The following GNAL variants were observed in gnomAD, a reference collection of about 807,000 sequenced individuals.
GNAL encodes guanine nucleotide-binding protein G(olf) subunit alpha.
In GNAL, 18 loss-of-function variants were observed where a neutral mutation model predicts 55.1. The observed-to-expected ratio is 0.33, with a 90% CI of 0.23 to 0.48. GNAL has a LOEUF of 0.48. Ranked by LOEUF, GNAL falls within the 20% of genes least tolerant of loss-of-function variation. GNAL has a pLI of 0.99. For missense variants in GNAL, 412 were observed against 614.1 expected (o/e 0.67, Z 3.48); for synonymous variants, 253 against 237.0 (o/e 1.07, Z -0.62).
At chr18:11,778,241 C>A (rs1360555040) in intron 4 of GNAL, among the ~76,000 whole-genome samples, 1 of 152,186 alleles carries the variant, frequency 6.6e-6, no homozygotes, top group Non-Finnish European at 1.5e-5. Context: ...ACCCTCAGAA[C>A]AGACAACCAT....
At chr18:11,788,923 A>ATATATATG (rs1164513437) in intron 4 of GNAL, among the ~76,000 whole-genome samples, 1 of 128,354 alleles carries the variant, frequency 7.8e-6, no homozygotes, top group Non-Finnish European at 1.6e-5. Context: ...AAATATATAT[A>ATATATATG]TATATATATA....
At chr18:11,781,065 A>G (rs2033914119) in intron 4 of GNAL, among the ~76,000 whole-genome samples, 1 of 152,268 alleles carries the variant, frequency 6.6e-6, no homozygotes. Context: ...TTAAATATCA[A>G]CCAGTGAATG....
At chr18:11,788,914 A>AAATATATATATATATATATATAT (rs60071996) in intron 4 of GNAL, among the ~76,000 whole-genome samples, 1 of 56,304 alleles carries the variant, frequency 1.8e-5, no homozygotes, top group African/African-American at 1.0e-4. Context: ...AAAAAAAAAA[A>AAATATATATATATATATATATAT]ATATATATAT....
intron 1 of GNAL, chr18:11,747,042 A>T (rs929807950): frequency 2.1e-6 from 1 of 468,172 alleles, no homozygotes; most frequent in East Asian, 5.5e-5. Context: ...ATGCAGGGTT[A>T]TGTATATTTT....
intron 4 of GNAL, among the ~76,000 whole-genome samples, chr18:11,823,689 C>G (rs1052330533): frequency 2.6e-5 from 4 of 152,218 alleles, no homozygotes; most frequent in Non-Finnish European, 4.4e-5. Flanking sequence ...TGTGTTGATT[C>G]CTAGAAATGT....
intron 10 of GNAL, among the ~76,000 whole-genome samples, chr18:11,876,009 G>A (rs974587469): frequency 6.6e-6 from 1 of 152,182 alleles, no homozygotes; most frequent in African/African-American, 2.4e-5. Flanking sequence ...TGAAGGCGGA[G>A]CCCTCGTGAC....
At chr18:11,826,884 A>G (rs996865428) in intron 5 of GNAL, among the ~76,000 whole-genome samples, 2 of 152,136 alleles carry the variant, frequency 1.3e-5, no homozygotes, top group African/African-American at 2.4e-5. Context: ...GTCATCAGCT[A>G]CTGATGGTAT....
At position 11,870,105 on chromosome 18, in the gene GNAL, G is replaced by A. The variant is rs560854875; in HGVS notation, c.1031+1442G>A. On this transcript the variant is annotated intron_variant, in intron 9 of 11. Transcript: ENST00000334049. The stretch of plus-strand genomic sequence containing the variant: ...GCAAATACTACACCATTTCATATAA[G>A]GGAGCCTCCTCAAATTTTGGTTTTC... Among the ~76,000 whole-genome samples the A allele has an allele frequency of 2.6e-5, 4 of 152,300 alleles. No individual in the cohort carries two copies. In the East Asian group the frequency reaches 7.7e-4, roughly 29 times the overall value.
intron 4 of GNAL, among the ~76,000 whole-genome samples, chr18:11,817,029 C>T (rs1204934577): frequency 6.6e-6 from 1 of 151,904 alleles, no homozygotes; most frequent in African/African-American, 2.4e-5. Context: ...GGATGAGGCA[C>T]CTTTCGTGTG....
chr18:11,870,179 T>C (rs2036363470), intron 9 of GNAL, among the ~76,000 whole-genome samples: 1 of 152,180 alleles, frequency 6.6e-6, no homozygotes, highest in African/African-American at 2.4e-5. Flanking sequence ...GATGACTCTA[T>C]ATCTAGGGTT....
chr18:11,749,430 T>G (rs1395205759), intron 1 of GNAL, among the ~76,000 whole-genome samples: 1 of 152,258 alleles, frequency 6.6e-6, no homozygotes, highest in Non-Finnish European at 1.5e-5. Context: ...CAAATATTTT[T>G]TACGTGTGGT....
intron 2 of GNAL, 131 bp from the exon 3 acceptor site, chr18:11,753,497 G>C (rs996685084): frequency 8.1e-6 from 5 of 619,340 alleles, no homozygotes; most frequent in Non-Finnish European, 1.4e-5. Context: ...CGGATGTCTT[G>C]GGGGTTGATA....
At chr18:11,727,979 C>T (rs2032250002) in intron 1 of GNAL, among the ~76,000 whole-genome samples, 2 of 152,156 alleles carry the variant, frequency 1.3e-5, no homozygotes, top group South Asian at 4.1e-4. Context: ...ATAACCCCAA[C>T]AATCTGGGAT....
rs1393280931 is a variant in GNAL, at chr18:11,751,655, G to A, written c.377-1198G>A. On this transcript the variant is annotated intron_variant, in intron 1 of 11. Transcript: ENST00000334049. The surrounding 1 kb of genome is among the most constrained non-coding windows in gnomAD (Gnocchi z 4.5). ...GGCTCGGGGTGCAAGAGAGCCAGGCGGCCGCGGCGCAGCGGAGGGGCTGCG... is the reference window on the plus strand; with the variant it reads ...GGCTCGGGGTGCAAGAGAGCCAGGCAGCCGCGGCGCAGCGGAGGGGCTGCG... The A allele has an allele frequency of 1.0e-6, 1 of 985,306 alleles. No individual in the cohort carries two copies. Among genetic ancestry groups the A allele is most frequent in the Non-Finnish European group, 1.2e-6 (1 of 829,960 alleles). 61.0% of individuals were successfully genotyped at this position (985,306 alleles called of 1,614,324 possible).
chr18:11,697,627 G>A (rs1306513646), intron 1 of GNAL, among the ~76,000 whole-genome samples: 1 of 152,100 alleles, frequency 6.6e-6, no homozygotes, highest in African/African-American at 2.4e-5. Context: ...TGACAGGAAG[G>A]GGCAGACGTG....
chr18:11,874,398 A>C (rs2036474974), intron 10 of GNAL: 1 of 151,214 alleles, frequency 6.6e-6, no homozygotes, highest in Non-Finnish European at 1.5e-5. Flanking sequence ...ATCAAAGCAA[A>C]AACTACACAC....
rs2036941188 is a variant in GNAL at position 11,884,804 on chromosome 18, G to A, written c.*3669G>A. 8 of 1,388,302 alleles carry A rather than the reference G, an allele frequency of 5.8e-6. No homozygotes were observed. Among genetic ancestry groups the A allele is most frequent in the Admixed American group, 2.9e-5 (1 of 34,516 alleles). 86.0% of individuals were successfully genotyped at this position (1,388,302 alleles called of 1,614,324 possible). A position where few individuals can be genotyped will look rare whatever the true frequency, so the allele number is the denominator to read the frequency against. ...CCTTCTCCCTGCACAGCTCACCCCC[G>A]ACCAGCCCAGGCTCCAGCAGGAGAG... On this transcript the variant is annotated 3_prime_UTR_variant, in exon 12 of 12. Coordinates refer to ENST00000334049, the MANE Select transcript of GNAL (RefSeq NM_182978.4).
At position 11,858,791 on chromosome 18, in the gene GNAL, A is replaced by G. The variant is rs945461381; in HGVS notation, c.723-3604A>G. Among the ~76,000 whole-genome samples, 9 of 152,192 alleles carry G rather than the reference A, an allele frequency of 5.9e-5. No individual in the cohort carries two copies. The South Asian group carries it at 6.2e-4, about 11-fold the overall frequency. On this transcript the variant is annotated intron_variant, in intron 5 of 11. Transcript: ENST00000334049. Reference sequence around the variant, plus strand: ...AACAAATCAGAAGCAGCTCTTGGAAATGTTCAATGAGACCTCCCACGTCTC... The same window carrying G: ...AACAAATCAGAAGCAGCTCTTGGAAGTGTTCAATGAGACCTCCCACGTCTC...
At chr18:11,819,668 A>G (rs2143619277) in intron 4 of GNAL, among the ~76,000 whole-genome samples, 1 of 152,288 alleles carries the variant, frequency 6.6e-6, no homozygotes, top group African/African-American at 2.4e-5. Flanking sequence ...TGTCAAAAAC[A>G]GGTTACATTT....
Sources: allele counts gnomAD v4.1 joint callset (sites outside exome capture counted in the v4.1 genomes callset), GRCh38; gene constraint gnomAD v4.1.1; non-coding constraint Gnocchi (gnomAD v3.1); transcripts MANE v1.5; gene names NCBI Gene and HGNC (gene_info 2026-07-23, HGNC 2026-07-21).